SOD2: variants seen among roughly 807,000 people sequenced by gnomAD.
SOD2 encodes superoxide dismutase 2.
A neutral mutation model predicts 27.0 loss-of-function variants in SOD2; 11 were observed. The ratio of observed to expected loss-of-function variants is 0.41; its 90% CI spans 0.26 to 0.67. SOD2 has a LOEUF of 0.67. Ranked by LOEUF, SOD2 falls within the 30% of genes least tolerant of loss-of-function variation. The pLI is 0.34. For missense variants in SOD2, 250 were observed against 274.5 expected, an observed-to-expected ratio of 0.91 and a Z score of 0.63; for synonymous variants, 105 against 103.0, an observed-to-expected ratio of 1.02 and a Z score of -0.12.
chr6:159,753,733 T>C (rs1361437293), intron 1 of SOD2: 47 of 1,276,822 alleles, frequency 3.7e-5, no homozygotes, highest in Non-Finnish European at 4.2e-6. Context: ...CCTATGATTG[T>C]ATATTATTGT....
upstream of SOD2, among the ~76,000 whole-genome samples, chr6:159,695,934 A>G (rs1299237657): frequency 6.6e-6 from 1 of 152,154 alleles, no homozygotes; most frequent in Non-Finnish European, 1.5e-5. Context: ...ATGAATATGG[A>G]TTTCCCATAG....
intron 1 of SOD2, among the ~76,000 whole-genome samples, chr6:159,723,212 ATT>A (rs1364214703): frequency 6.6e-6 from 1 of 152,218 alleles, no homozygotes; most frequent in Non-Finnish European, 1.5e-5. Context: ...AATAAAATGC[ATT>A]CTTTACAGTG....
intron 1 of SOD2, among the ~76,000 whole-genome samples, chr6:159,733,740 C>T (rs1334084255): frequency 6.6e-6 from 1 of 151,796 alleles, no homozygotes; most frequent in Non-Finnish European, 1.5e-5. Context: ...ATGGAGAAAC[C>T]CCGTCTCTAC....
intron 1 of SOD2, among the ~76,000 whole-genome samples, chr6:159,752,924 T>C (rs1779874424): frequency 6.6e-6 from 1 of 152,204 alleles, no homozygotes; most frequent in Admixed American, 6.5e-5. Context: ...TTTTGTAGAG[T>C]TGGAGTCTAT....
At position 159,672,285 on chromosome 6, in the gene SOD2, A is replaced by T. The variant is rs1196673303; in HGVS notation, c.*10208T>A. ...CGAGAAGAGCAACTCCAAGACACAT[A>T]ATTGTCAGATTCACCAAAGTTGAAA... On this transcript the variant is annotated 3_prime_UTR_variant, in exon 5 of 5. Coordinates refer to ENST00000538183, the MANE Select transcript of SOD2 (RefSeq NM_000636.4). 6.6e-6 allele frequency: 1 copy of T among 152,174 alleles called. No individual in the cohort carries two copies. Among genetic ancestry groups the T allele is most frequent in the Non-Finnish European group, 1.5e-5 (1 of 68,034 alleles). The allele number at this position is 152,174 out of a possible 1,614,324, so 9.4% of individuals were successfully genotyped here. A position where few individuals can be genotyped will look rare whatever the true frequency, so the allele number is the denominator to read the frequency against.
chr6:159,727,406 AGT>A (rs774224221), upstream of SOD2: 193 of 496,780 alleles, frequency 3.9e-4, no homozygotes, highest in Admixed American at 8.4e-4. Flanking sequence ...GGCGGGAGGC[AGT>A]GGCGCTGGCC....
chr6:159,673,962 A>T lies in SOD2; in HGVS notation c.*8531T>A, dbSNP rs1005696738. On this transcript the variant is annotated 3_prime_UTR_variant, in exon 5 of 5. Transcript: ENST00000538183. ...ATACAGAGTACACAGAGAATACTAT[A>T]AACACCTCTATGCAAATAAACTAGA... 6.6e-6 allele frequency: 1 copy of T among 152,240 alleles called. No homozygotes were observed. The highest frequency in any genetic ancestry group is 1.5e-5 in the Non-Finnish European group (1 of 68,038). 9.4% of individuals were successfully genotyped at this position (152,240 alleles called of 1,614,324 possible). A position where few individuals can be genotyped will look rare whatever the true frequency, so the allele number is the denominator to read the frequency against.
intron 3 of SOD2, among the ~76,000 whole-genome samples, chr6:159,685,589 G>T (rs550891284): frequency 6.6e-6 from 1 of 151,918 alleles, no homozygotes; most frequent in East Asian, 1.9e-4. Context: ...TTTGTTACAC[G>T]GGTATCATAT....
chr6:159,761,166 CCCTTCAT>C (rs1162810800), exon 1 of SOD2: 1 of 163,498 alleles, frequency 6.1e-6, no homozygotes, highest in East Asian at 1.9e-4. Context: ...AACAGTTTTC[CCCTTCAT>C]GACTTTGTGA....
intron 1 of SOD2, among the ~76,000 whole-genome samples, chr6:159,702,636 A>T (rs1178341373): frequency 7.6e-6 from 1 of 132,198 alleles, no homozygotes; most frequent in Admixed American, 8.3e-5. Context: ...GCAGCAATAC[A>T]GGGAAGCTCT....
chr6:159,759,806 A>G (rs529303195), intron 1 of SOD2, among the ~76,000 whole-genome samples: 1 of 152,338 alleles, frequency 6.6e-6, no homozygotes, highest in South Asian at 2.1e-4. Context: ...CACTCAGCAG[A>G]AGCATGCAAT....
chr6:159,728,601 C>A (rs1778372016), upstream of SOD2, among the ~76,000 whole-genome samples: 1 of 152,094 alleles, frequency 6.6e-6, no homozygotes, highest in African/African-American at 2.4e-5. Context: ...AAAATTTTGA[C>A]CATTAAGTTT....
intron 1 of SOD2, chr6:159,713,126 A>C: frequency 2.7e-6 from 3 of 1,098,674 alleles, no homozygotes; most frequent in Non-Finnish European, 3.9e-6. Flanking sequence ...CCTCGTGTGT[A>C]CACAGTGCCC....
chr6:159,685,095 T>C, intron 3 of SOD2, 62 bp from the exon 4 acceptor site: 1 of 1,235,592 alleles, frequency 8.1e-7, no homozygotes, highest in Non-Finnish European at 1.1e-6. Flanking sequence ...TACAGTAAAA[T>C]GTTATATTAC....
intron 1 of SOD2, among the ~76,000 whole-genome samples, chr6:159,724,774 C>T (rs1778107607): frequency 1.3e-5 from 2 of 151,630 alleles, no homozygotes; most frequent in African/African-American, 2.4e-5. Context: ...ATTGCTTGAG[C>T]CCAGGAAGTC....
chr6:159,758,204 G>A (rs1780052972), intron 1 of SOD2, among the ~76,000 whole-genome samples: 1 of 150,144 alleles, frequency 6.7e-6, no homozygotes, highest in African/African-American at 2.5e-5. Context: ...ATTTTGTTTT[G>A]TTTTTCTCCC....
rs549739380 is a variant in SOD2 at position 159,675,199 on chromosome 6, T to C, written c.*7294A>G. 5.5e-4 allele frequency: 83 copies of C among 152,142 alleles called. 1 individual carries two copies. The highest frequency in any genetic ancestry group is 1.9e-3 in the African/African-American group (78 of 41,474). 9.4% of individuals were successfully genotyped at this position (152,142 alleles called of 1,614,324 possible). A position where few individuals can be genotyped will look rare whatever the true frequency, so the allele number is the denominator to read the frequency against. On this transcript the variant is annotated 3_prime_UTR_variant, in exon 5 of 5. Coordinates refer to ENST00000538183, the MANE Select transcript of SOD2 (RefSeq NM_000636.4). ...AAGGTAATTTATAGATTCAATGCCA[T>C]CCCCATCAAGCTACCCATGACTTTC... is the stretch of plus-strand genomic sequence containing the variant.
Position 159,692,201 on chromosome 6 carries a change from A to T in SOD2, c.226+460T>A, listed in dbSNP as rs1414401716. On this transcript the variant is annotated intron_variant, in intron 2 of 4. Coordinates refer to ENST00000538183, the MANE Select transcript of SOD2 (RefSeq NM_000636.4). ...CTCAGAGACACCTGCGGACCCGATG[A>T]TGTCTGGCCACCAGTGGACAGGCGC... The T allele has an allele frequency of 1.5e-5, 5 of 323,780 alleles. No individual in the cohort carries two copies. The East Asian group carries it at 2.5e-4, about 16-fold the overall frequency. The allele number at this position is 323,780 out of a possible 1,614,324, so 20.1% of individuals were successfully genotyped here. A position where few individuals can be genotyped will look rare whatever the true frequency, so the allele number is the denominator to read the frequency against.
At chr6:159,729,634 A>G (rs538509169), upstream of SOD2, among the ~76,000 whole-genome samples, 3 of 152,376 alleles carry the variant, frequency 2.0e-5, no homozygotes, top group African/African-American at 7.2e-5. Context: ...TTTGTGAGAC[A>G]GGCAAAATTA....
Sources: gnomAD v4.1 joint callset for allele counts (sites outside exome capture counted in the v4.1 genomes callset) on GRCh38, gnomAD v4.1.1 for gene constraint, MANE v1.5 for transcripts, NCBI Gene and HGNC (gene_info 2026-07-23, HGNC 2026-07-21) for gene names.